Variants in SLC35D4 observed in about 807,000 individuals in gnomAD.
The protein encoded by SLC35D4 is solute carrier family 35 member D4, also known as UDP-N-acetylglucosamine transporter SLC35D4.
At chr18:23,282,828 C>T in the SLC35D4 span, among the ~76,000 whole-genome samples, 1 of 152,258 alleles carries the variant, frequency 6.6e-6, no homozygotes, top group African/African-American at 2.4e-5. Context: ...CAGGGGCTCG[C>T]AGGCCTCATC....
the SLC35D4 span, among the ~76,000 whole-genome samples, chr18:23,328,876 G>A: frequency 6.6e-6 from 1 of 152,006 alleles, no homozygotes; most frequent in African/African-American, 2.4e-5. Context: ...CAATAGAACA[G>A]GACAGAGGCC....
the SLC35D4 span, among the ~76,000 whole-genome samples, chr18:23,366,288 C>T: frequency 2.6e-5 from 4 of 152,180 alleles, no homozygotes; most frequent in Admixed American, 6.5e-5. Flanking sequence ...AAACCCCTCC[C>T]GTCCCGCAGT....
chr18:23,396,624 T>A, the SLC35D4 span, among the ~76,000 whole-genome samples: 4 of 152,264 alleles, frequency 2.6e-5, no homozygotes, highest in South Asian at 8.3e-4. Flanking sequence ...TTAAGAAGAA[T>A]GTGCTCTCAG....
the SLC35D4 span, among the ~76,000 whole-genome samples, chr18:23,282,847 G>A: frequency 6.6e-6 from 1 of 152,074 alleles, no homozygotes; most frequent in African/African-American, 2.4e-5. Context: ...TCTGTGTGCT[G>A]GCCCCTTAAG....
At chr18:23,370,719 C>T in the SLC35D4 span, among the ~76,000 whole-genome samples, 1 of 152,156 alleles carries the variant, frequency 6.6e-6, no homozygotes, top group Non-Finnish European at 1.5e-5. Flanking sequence ...TTTATTTGAA[C>T]AACTTAAACT....
chr18:23,267,991 G>GACCTAA, the SLC35D4 span, among the ~76,000 whole-genome samples: 13 of 152,204 alleles, frequency 8.5e-5, no homozygotes, highest in Non-Finnish European at 1.8e-4. Context: ...TTAGGTCCTG[G>GACCTAA]GGGCCTCATT....
chr18:23,405,622 C>T, the SLC35D4 span, among the ~76,000 whole-genome samples: 1 of 152,192 alleles, frequency 6.6e-6, no homozygotes, highest in Non-Finnish European at 1.5e-5. Context: ...AATGAAGACA[C>T]AGCTCTTAAT....
At chr18:23,406,964 C>T in the SLC35D4 span, among the ~76,000 whole-genome samples, 5 of 152,148 alleles carry the variant, frequency 3.3e-5, no homozygotes, top group Admixed American at 1.3e-4. Context: ...CACCACCATG[C>T]CATGCTAATT....
chr18:23,278,952 G>A, the SLC35D4 span, among the ~76,000 whole-genome samples: 130 of 151,298 alleles, frequency 8.6e-4, no homozygotes, highest in African/African-American at 3.1e-3. Flanking sequence ...GTTTGAGGCT[G>A]CCGTGAGCTG....
chr18:23,301,238 A>T, the SLC35D4 span, among the ~76,000 whole-genome samples: 1 of 152,164 alleles, frequency 6.6e-6, no homozygotes, highest in African/African-American at 2.4e-5. Flanking sequence ...AATTATGATA[A>T]AATTTGAGAG....
At chr18:23,275,092 G>A in the SLC35D4 span, among the ~76,000 whole-genome samples, 7 of 151,658 alleles carry the variant, frequency 4.6e-5, no homozygotes, top group African/African-American at 4.8e-5. Context: ...GCTTGTGTGC[G>A]TGCTTGTGTG....
At chr18:23,368,270 C>T in the SLC35D4 span, among the ~76,000 whole-genome samples, 2 of 152,174 alleles carry the variant, frequency 1.3e-5, no homozygotes, top group African/African-American at 4.8e-5. Context: ...TGTGTGGACA[C>T]CTGAGTCTGC....
At chr18:23,430,626 C>T in the SLC35D4 span, 10 of 1,607,804 alleles carry the variant, frequency 6.2e-6, no homozygotes, top group Admixed American at 5.0e-5. Context: ...AAAGAAGATA[C>T]TCACCCTTGG....
At chr18:23,335,481 T>C in the SLC35D4 span, among the ~76,000 whole-genome samples, 8 of 152,154 alleles carry the variant, frequency 5.3e-5, no homozygotes, top group Admixed American at 5.2e-4. Flanking sequence ...AACTACCCTA[T>C]GTTCAGCCAC....
the SLC35D4 span, among the ~76,000 whole-genome samples, chr18:23,256,994 A>G: frequency 8.1e-4 from 123 of 152,310 alleles, 2 homozygotes; most frequent in East Asian, 0.022. Flanking sequence ...AAATGATGTC[A>G]TAAGATGTAT....
chr18:23,262,545 C>T, the SLC35D4 span, among the ~76,000 whole-genome samples: 686 of 152,378 alleles, frequency 4.5e-3, 1 homozygote, highest in Non-Finnish European at 7.2e-3. Context: ...TGAAATGTGT[C>T]TTCCACTGGG....
chr18:23,357,075 C>T, the SLC35D4 span, among the ~76,000 whole-genome samples: 1 of 152,182 alleles, frequency 6.6e-6, no homozygotes, highest in Admixed American at 6.5e-5. Context: ...TAGGCTGTCT[C>T]CTCTCTACCA....
chr18:23,383,122 A>C, the SLC35D4 span, among the ~76,000 whole-genome samples: 1 of 152,082 alleles, frequency 6.6e-6, no homozygotes, highest in African/African-American at 2.4e-5. Flanking sequence ...TCCGGGGAGA[A>C]CCATAGGACA....
chr18:23,393,007 C>A, the SLC35D4 span, among the ~76,000 whole-genome samples: 1 of 152,096 alleles, frequency 6.6e-6, no homozygotes, highest in Non-Finnish European at 1.5e-5. Context: ...CCTCCGCCTC[C>A]CGGGTTCAAG....
Sources: gnomAD v4.1 joint callset for allele counts (sites outside exome capture counted in the v4.1 genomes callset) on GRCh38, gnomAD v4.1.1 for gene constraint, MANE v1.5 for transcripts, NCBI Gene and HGNC (gene_info 2026-07-23, HGNC 2026-07-21) for gene names.